SND1: variants seen among roughly 807,000 people sequenced by gnomAD.
SND1 encodes the protein staphylococcal nuclease domain-containing protein 1.
A neutral mutation model predicts 121.7 loss-of-function variants in SND1; 38 were observed. The ratio of observed to expected loss-of-function variants is 0.31; its 90% CI spans 0.24 to 0.41. The LOEUF (loss-of-function observed/expected upper bound fraction) is 0.41, where lower values mean the gene tolerates loss of function less well. Ranked by LOEUF, SND1 falls within the 10% of genes least tolerant of loss-of-function variation. SND1 has a pLI of 1.00. For synonymous variants in SND1, 401 were observed against 447.4 expected (o/e 0.90, Z 1.31); for missense variants, 868 against 1,184.6 (o/e 0.73, Z 3.92).
intron 10 of SND1, among the ~76,000 whole-genome samples, chr7:127,722,164 A>AT (rs1796505881): frequency 1.3e-5 from 2 of 152,328 alleles, no homozygotes; most frequent in African/African-American, 4.8e-5. Context: ...TTGTCGTCTG[A>AT]TAACTAAACT....
chr7:127,974,218 C>G (rs1268018373), intron 15 of SND1, among the ~76,000 whole-genome samples: 1 of 152,192 alleles, frequency 6.6e-6, no homozygotes, highest in African/African-American at 2.4e-5. Context: ...CACTCATCCA[C>G]AAAGATTTAA....
intron 15 of SND1, among the ~76,000 whole-genome samples, chr7:127,930,932 A>G (rs759754774): frequency 1.3e-5 from 2 of 152,196 alleles, no homozygotes; most frequent in African/African-American, 4.8e-5. Context: ...GCATGTGTCT[A>G]TCACATTTGG....
chr7:127,975,957 A>T (rs1030684899), intron 15 of SND1, among the ~76,000 whole-genome samples: 2 of 152,128 alleles, frequency 1.3e-5, no homozygotes, highest in Non-Finnish European at 2.9e-5. Flanking sequence ...GACAGTTGCT[A>T]TGTCCCACCA....
chr7:128,019,088 C>T (rs1335045510), intron 16 of SND1, among the ~76,000 whole-genome samples: 1 of 152,142 alleles, frequency 6.6e-6, no homozygotes, highest in East Asian at 1.9e-4. Flanking sequence ...AAGACCTGCC[C>T]CCCTCCCCAC....
intron 15 of SND1, among the ~76,000 whole-genome samples, chr7:127,985,295 T>A (rs56258700): frequency 9.3e-4 from 142 of 152,336 alleles, no homozygotes; most frequent in African/African-American, 3.3e-3. Flanking sequence ...CATGCACTTC[T>A]AGCCCGGGCT....
At position 128,074,563 on chromosome 7, in the gene SND1, A is replaced by C. The variant is rs751602265; in HGVS notation, c.1841A>C (p.Asp614Ala). ...AGNFIGWLHI[D>A]GANLSVLLVE... ...AACTTTATCGGCTGGCTGCACATCGACGGTGCCAACCTGTCCGTCCTGCTG... is the reference window on the plus strand; with the variant it reads ...AACTTTATCGGCTGGCTGCACATCGCCGGTGCCAACCTGTCCGTCCTGCTG... The change falls in exon 17 of 24, where the codon GAC becomes GCC. Residue 614 changes from aspartate (D) to alanine (A), a missense_variant. By Grantham distance (126) the Asp-to-Ala change is moderately radical (BLOSUM62 -2). Coordinates refer to ENST00000354725, the MANE Select transcript of SND1 (RefSeq NM_014390.4). The C allele has an allele frequency of 3.7e-6, 6 of 1,613,408 alleles. No individual in the cohort carries two copies. The highest frequency in any genetic ancestry group is 5.1e-6 in the Non-Finnish European group (6 of 1,179,884).
At chr7:127,896,318 G>C (rs1171611380) in intron 13 of SND1, among the ~76,000 whole-genome samples, 1 of 152,014 alleles carries the variant, frequency 6.6e-6, no homozygotes, top group Non-Finnish European at 1.5e-5. Context: ...GGAGGTTCTT[G>C]TACTGGGAAT....
intron 12 of SND1, among the ~76,000 whole-genome samples, chr7:127,881,621 A>G (rs559563742): frequency 6.6e-6 from 1 of 152,316 alleles, no homozygotes; most frequent in South Asian, 2.1e-4. Flanking sequence ...CTGTAAATAT[A>G]ACTGGACAGG....
chr7:127,980,947 G>C (rs937524144), intron 15 of SND1, among the ~76,000 whole-genome samples: 3 of 152,086 alleles, frequency 2.0e-5, no homozygotes, highest in African/African-American at 4.8e-5. Context: ...GGAACCTTTG[G>C]TGCCAAAAAT....
chr7:127,870,228 C>T (rs1026975310), intron 12 of SND1, among the ~76,000 whole-genome samples: 1 of 152,196 alleles, frequency 6.6e-6, no homozygotes, highest in Non-Finnish European at 1.5e-5. Flanking sequence ...TTAATACTTA[C>T]TGTGCAGTAA....
chr7:127,980,565 G>A (rs1294462762), intron 15 of SND1, among the ~76,000 whole-genome samples: 1 of 151,986 alleles, frequency 6.6e-6, no homozygotes, highest in Non-Finnish European at 1.5e-5. Flanking sequence ...CCTACTGTAG[G>A]CTAAGTATAC....
At position 128,032,527 on chromosome 7, in the gene SND1, G is replaced by A. The variant is rs1331198755; in HGVS notation, c.1779+41471G>A. 7.9e-5 allele frequency among the ~76,000 whole-genome samples: 12 copies of A among 151,748 alleles called. No individual in the cohort carries two copies. In the South Asian group the frequency reaches 1.5e-3, roughly 18 times the overall value. On this transcript the variant is annotated intron_variant, in intron 16 of 23. Coordinates refer to ENST00000354725, the MANE Select transcript of SND1 (RefSeq NM_014390.4). The stretch of plus-strand genomic sequence containing the variant: ...GCGGGGCTGCGGCGGGAGAGCCCGC[G>A]CCGGCCCCCGCCCTCCGGCCCGCAC...
chr7:127,804,406 T>C (rs1310640257), intron 10 of SND1, among the ~76,000 whole-genome samples: 1 of 152,188 alleles, frequency 6.6e-6, no homozygotes, highest in Non-Finnish European at 1.5e-5. Context: ...ACACTTTTTA[T>C]TTTCCTTCAT....
chr7:127,676,990 C>A (rs912017212), intron 1 of SND1, among the ~76,000 whole-genome samples: 14 of 152,238 alleles, frequency 9.2e-5, no homozygotes, highest in African/African-American at 3.4e-4. Context: ...GATCCACCCG[C>A]CTTGGCCTCC....
intron 1 of SND1, among the ~76,000 whole-genome samples, chr7:127,671,338 AT>A (rs1795514656): frequency 6.6e-6 from 1 of 152,326 alleles, no homozygotes; most frequent in African/African-American, 2.4e-5. Flanking sequence ...CTCTATATTT[AT>A]TACATCCAAT....
At position 127,700,974 on chromosome 7, in the gene SND1, C is replaced by A. The variant is rs570810879; in HGVS notation, c.429-189C>A. Among the ~76,000 whole-genome samples the A allele has an allele frequency of 6.0e-4, 91 of 152,100 alleles. 1 individual carries two copies. Among genetic ancestry groups the A allele is most frequent in the Non-Finnish European group, 1.0e-3 (71 of 68,018 alleles). On this transcript the variant is annotated intron_variant, in intron 4 of 23. Transcript: ENST00000354725. ...CTATTTAACCTTTTGTTTGAAAGGA[C>A]AAGTTTGGAATCTAGAAATTGCAAT...
chr7:127,961,273 G>A (rs752310115), intron 15 of SND1, among the ~76,000 whole-genome samples: 18 of 152,172 alleles, frequency 1.2e-4, no homozygotes, highest in Non-Finnish European at 2.4e-4. Flanking sequence ...TATTACATAA[G>A]TGTATTTTCT....
intron 6 of SND1, 65 bp downstream of exon 6, chr7:127,702,591 C>G (rs935321817): frequency 1.1e-4 from 143 of 1,296,418 alleles, no homozygotes; most frequent in Non-Finnish European, 1.6e-4. Context: ...ATGGATTCTT[C>G]TACTTGGGGA....
At chr7:127,955,100 C>G (rs1377712935) in intron 15 of SND1, among the ~76,000 whole-genome samples, 1 of 152,342 alleles carries the variant, frequency 6.6e-6, no homozygotes, top group South Asian at 2.1e-4. Context: ...CCTCTCCTTT[C>G]TTGTTGAACA....
Sources: gnomAD v4.1 joint callset for allele counts (sites outside exome capture counted in the v4.1 genomes callset) on GRCh38, gnomAD v4.1.1 for gene constraint, MANE v1.5 for transcripts, NCBI Gene and HGNC (gene_info 2026-07-23, HGNC 2026-07-21) for gene names.